Variants in SPECC1L observed in about 807,000 individuals in gnomAD.
The protein encoded by SPECC1L is sperm antigen with calponin homology and coiled-coil domains 1 like, also known as cytospin-A.
SPECC1L carries 40 observed loss-of-function variants against 116.8 expected under a neutral mutation model. The observed-to-expected ratio is 0.34, with a 90% CI of 0.27 to 0.45. SPECC1L has a LOEUF of 0.45. Among genes scored for constraint, SPECC1L ranks in the 20% least tolerant of loss-of-function variants. SPECC1L has a pLI of 1.00. For missense variants in SPECC1L, 1,110 were observed against 1,373.6 expected, an observed-to-expected ratio of 0.81 and a Z score of 3.03; for synonymous variants, 504 against 500.6, an observed-to-expected ratio of 1.01 and a Z score of -0.09.
chr22:24,326,230 C>A (rs541663188), intron 6 of SPECC1L, among the ~76,000 whole-genome samples: 1 of 152,152 alleles, frequency 6.6e-6, no homozygotes, highest in South Asian at 2.1e-4. Flanking sequence ...CACGCCTGAC[C>A]GCCTGTTTTG....
chr22:24,359,334 T>C (rs749593279), intron 11 of SPECC1L, among the ~76,000 whole-genome samples: 1 of 152,184 alleles, frequency 6.6e-6, no homozygotes, highest in African/African-American at 2.4e-5. Context: ...AAACAAAATA[T>C]TCACATCAGA....
At chr22:24,306,356 G>A (rs2146419431) in intron 3 of SPECC1L, among the ~76,000 whole-genome samples, 1 of 148,758 alleles carries the variant, frequency 6.7e-6, no homozygotes, top group East Asian at 2.2e-4. Flanking sequence ...CATCACTTTG[G>A]CCTTTTAATT....
chr22:24,331,160 A>G (rs902597230), intron 8 of SPECC1L, among the ~76,000 whole-genome samples: 1 of 152,144 alleles, frequency 6.6e-6, no homozygotes, highest in Non-Finnish European at 1.5e-5. Flanking sequence ...CCACACTGAG[A>G]CTCCATCTAA....
At chr22:24,317,526 C>CAG (rs1013844112) in intron 4 of SPECC1L, among the ~76,000 whole-genome samples, 1 of 132,076 alleles carries the variant, frequency 7.6e-6, no homozygotes, top group African/African-American at 2.7e-5. Context: ...GCTGGCCAGG[C>CAG]AGAGGGGCTC....
chr22:24,379,006 A>T (rs191979928), intron 14 of SPECC1L, among the ~76,000 whole-genome samples: 46 of 152,310 alleles, frequency 3.0e-4, no homozygotes, highest in African/African-American at 1.0e-3. Flanking sequence ...CATGAAGCAC[A>T]AGAAGATGAA....
chr22:24,396,392 G>T (rs2042370031), intron 14 of SPECC1L, among the ~76,000 whole-genome samples: 1 of 151,978 alleles, frequency 6.6e-6, no homozygotes, highest in Non-Finnish European at 1.5e-5. Context: ...CTGCTTCCCG[G>T]GTTCAAGCGA....
At chr22:24,273,607 A>C (rs1317789018) in intron 1 of SPECC1L, among the ~76,000 whole-genome samples, 1 of 152,214 alleles carries the variant, frequency 6.6e-6, no homozygotes, top group African/African-American at 2.4e-5. Context: ...GCTGTTAAGA[A>C]GATTCAAATA....
Position 24,331,852 on chromosome 22 carries a change from C to T in SPECC1L, c.2396+1421C>T, listed in dbSNP as rs148059591. ...TGATTTTTTTTTAATGTAGGTTTCA[C>T]TTAAAGATGTCCTTGGTAAAACATT... On this transcript the variant is annotated intron_variant, in intron 8 of 16. Transcript: ENST00000314328. 4.1e-3 allele frequency among the ~76,000 whole-genome samples: 617 copies of T among 152,242 alleles called. 7 individuals carry two copies. Among genetic ancestry groups the T allele is most frequent in the African/African-American group, 0.014 (576 of 41,522 alleles).
chr22:24,316,072 C>T (rs528244283), intron 4 of SPECC1L, among the ~76,000 whole-genome samples: 14 of 152,272 alleles, frequency 9.2e-5, no homozygotes, highest in South Asian at 6.2e-4. Flanking sequence ...GTGTTTTGTG[C>T]GGGCACAGTT....
intron 3 of SPECC1L, among the ~76,000 whole-genome samples, chr22:24,310,533 C>T (rs182472075): frequency 1.3e-5 from 2 of 152,302 alleles, no homozygotes; most frequent in Non-Finnish European, 2.9e-5. Context: ...GTTTACCAAT[C>T]TGTTAAGTGA....
At position 24,400,990 on chromosome 22, in the gene SPECC1L, G is replaced by C. The variant is rs1360138539; in HGVS notation, c.3088-10598G>C. ...AAATATGCACTAAAGTCATGAGAAT[G>C]GTAAAACAACCCTCCTGTACATAGC... On this transcript the variant is annotated intron_variant, in intron 14 of 16. Transcript: ENST00000314328. Among the ~76,000 whole-genome samples, 4 of 152,156 alleles carry C rather than the reference G, an allele frequency of 2.6e-5. No homozygotes were observed. The East Asian group carries it at 7.7e-4, about 29-fold the overall frequency.
chr22:24,414,476 A>G (rs1601378961), intron 16 of SPECC1L, 58 bp from the exon 17 acceptor site: 4 of 1,473,726 alleles, frequency 2.7e-6, no homozygotes, highest in East Asian at 2.3e-5. Flanking sequence ...GGCAGAGCCC[A>G]TTGGCACAGC....
At position 24,414,517 on chromosome 22, in the gene SPECC1L, T is replaced by A. The variant is rs1243865223; in HGVS notation, c.3265-17T>A. Reference sequence around the variant, plus strand: ...GGTGACCTGCAGTTCTAACCAAGCGTCTTCCTTGTCTGTCAGGACATTAAT... The same window carrying A: ...GGTGACCTGCAGTTCTAACCAAGCGACTTCCTTGTCTGTCAGGACATTAAT... On this transcript the variant is annotated splice_polypyrimidine_tract_variant and intron_variant, in intron 16 of 16. Coordinates refer to ENST00000314328, the MANE Select transcript of SPECC1L (RefSeq NM_015330.6). 1 of 1,612,518 alleles carries A rather than the reference T, an allele frequency of 6.2e-7. No homozygotes were observed. The highest frequency in any genetic ancestry group is 1.6e-4 in the Middle Eastern group (1 of 6,078).
intron 16 of SPECC1L, 145 bp downstream of exon 16, chr22:24,412,852 AGG>A (rs2042726771): frequency 6.0e-6 from 5 of 838,478 alleles, no homozygotes; most frequent in Non-Finnish European, 1.0e-5. Flanking sequence ...GGGCCAAGGG[AGG>A]GTCCCGTCAA....
intron 14 of SPECC1L, among the ~76,000 whole-genome samples, chr22:24,372,251 A>G (rs1460785195): frequency 6.6e-6 from 1 of 152,230 alleles, no homozygotes; most frequent in Non-Finnish European, 1.5e-5. Flanking sequence ...CAATCAATAG[A>G]AAAAGAGGGA....
chr22:24,337,233 C>A (rs909410584), intron 9 of SPECC1L, among the ~76,000 whole-genome samples: 3 of 152,092 alleles, frequency 2.0e-5, no homozygotes, highest in African/African-American at 7.2e-5. Flanking sequence ...TATATTCATA[C>A]AATGGAATAT....
intron 14 of SPECC1L, among the ~76,000 whole-genome samples, chr22:24,389,392 T>G (rs141064573): frequency 7.1e-4 from 108 of 152,236 alleles, no homozygotes; most frequent in African/African-American, 2.5e-3. Context: ...TGATTACAGA[T>G]GTGAGCCACT....
intron 5 of SPECC1L, among the ~76,000 whole-genome samples, 184 bp from the exon 6 acceptor site, chr22:24,324,036 A>G (rs1325376296): frequency 6.6e-6 from 1 of 152,240 alleles, no homozygotes; most frequent in Non-Finnish European, 1.5e-5. Context: ...GTTTAAGTGT[A>G]TTAGATAAAA....
At chr22:24,276,179 C>T (rs930042311) in intron 1 of SPECC1L, among the ~76,000 whole-genome samples, 2 of 152,078 alleles carry the variant, frequency 1.3e-5, no homozygotes, top group Admixed American at 6.6e-5. Context: ...GAGTTCGAGA[C>T]CAGCCTGGGC....
Sources: allele counts gnomAD v4.1 joint callset (sites outside exome capture counted in the v4.1 genomes callset), GRCh38; gene constraint gnomAD v4.1.1; transcripts MANE v1.5; gene names NCBI Gene and HGNC (gene_info 2026-07-23, HGNC 2026-07-21).